Variants in FEZF2 observed in about 807,000 individuals in gnomAD.
The protein encoded by FEZF2 is fez family zinc finger protein 2.
In FEZF2, 2 loss-of-function variants were observed where a neutral mutation model predicts 32.8. The observed-to-expected ratio is 0.06, with a 90% CI of 0.02 to 0.19. The LOEUF (loss-of-function observed/expected upper bound fraction) is 0.19, where lower values mean the gene tolerates loss of function less well. Among genes scored for constraint, FEZF2 ranks in the 10% least tolerant of loss-of-function variants. The pLI, the probability that FEZF2 is intolerant of heterozygous loss-of-function variation, is 1.00. For synonymous variants in FEZF2, 322 were observed against 284.8 expected (o/e 1.13, Z -1.32); for missense variants, 516 against 625.4 (o/e 0.83, Z 1.87).
chr3:62,372,914 C>T lies in FEZF2; in HGVS notation c.-46G>A. 1 of 1,354,706 alleles carries T rather than the reference C, an allele frequency of 7.4e-7. No homozygotes were observed. Among genetic ancestry groups the T allele is most frequent in the South Asian group, 1.7e-5 (1 of 57,426 alleles). The allele number at this position is 1,354,706 out of a possible 1,614,324, so 83.9% of individuals were successfully genotyped here. A position where few individuals can be genotyped will look rare whatever the true frequency, so the allele number is the denominator to read the frequency against. Reference sequence around the variant, plus strand: ...GCCAGGCTGGGCCAGGGCGCAGCCTCTCTCCTCTAAGTCTGCATTCCGGAA... The same window carrying T: ...GCCAGGCTGGGCCAGGGCGCAGCCTTTCTCCTCTAAGTCTGCATTCCGGAA... On this transcript the variant is annotated 5_prime_UTR_variant, in exon 2 of 5. Transcript: ENST00000283268. This position sits in a 1 kb window ranked among gnomAD's most constrained non-coding sequence, Gnocchi z 9.6.
In FEZF2 at chr3:62,370,913, G is replaced by A. The variant is rs1184802935; in HGVS notation, c.1120+304C>T. Among the ~76,000 whole-genome samples the A allele has an allele frequency of 1.3e-5, 2 of 152,102 alleles. No homozygotes were observed. The highest frequency in any genetic ancestry group is 1.3e-4 in the Admixed American group (2 of 15,288). On this transcript the variant is annotated intron_variant, in intron 4 of 4. Coordinates refer to ENST00000283268, the MANE Select transcript of FEZF2 (RefSeq NM_018008.4). The surrounding 1 kb of genome is among the most constrained non-coding windows in gnomAD (Gnocchi z 4.2). ...GAAAGGGAAGTTCCGGATACAAAAG[G>A]AACCTTTTTCTATAGGGCAATACCC...
Position 62,373,144 on chromosome 3 carries a change from G to T in FEZF2, c.-59+135C>A, listed in dbSNP as rs571133755. ...GGGGAGGGTTTACAAAAGAAAAGGG[G>T]GGGGGCGGTGAGAAAAGAGTCTCAA... is the stretch of plus-strand genomic sequence containing the variant. On this transcript the variant is annotated intron_variant, in intron 1 of 4. Coordinates refer to ENST00000283268, the MANE Select transcript of FEZF2 (RefSeq NM_018008.4). This position sits in a 1 kb window ranked among gnomAD's most constrained non-coding sequence, Gnocchi z 5.5. The T allele has an allele frequency of 5.7e-6, 2 of 350,698 alleles. No homozygotes were observed. Among genetic ancestry groups the T allele is most frequent in the Non-Finnish European group, 1.0e-5 (2 of 196,122 alleles). 21.7% of individuals were successfully genotyped at this position (350,698 alleles called of 1,614,324 possible). A position where few individuals can be genotyped will look rare whatever the true frequency, so the allele number is the denominator to read the frequency against.
chr3:62,372,785 C>T lies in FEZF2; in HGVS notation c.84G>A (p.Leu28=). The T allele has an allele frequency of 6.3e-7, 1 of 1,596,080 alleles. No homozygotes were observed. Among genetic ancestry groups the T allele is most frequent in the Non-Finnish European group, 8.5e-7 (1 of 1,170,980 alleles). The change falls in exon 2 of 5, where the codon CTG becomes CTA. Residue 28 remains leucine, a synonymous_variant. Transcript: ENST00000283268. This position sits in a 1 kb window ranked among gnomAD's most constrained non-coding sequence, Gnocchi z 9.6. ...AGASPATSKT[L]AFSIERIMAK... is the part of the protein sequence containing the mutation. ...CCATGATGCGCTCGATGGAAAAGGC[C>T]AGTGTCTTGGAAGTGGCCGGCGACG...
In FEZF2 at chr3:62,371,089, A is replaced by G. The variant is rs1445638145; in HGVS notation, c.1120+128T>C. ...TACACCAGGCACAACCCGATTCTAA[A>G]GAAATGCTGCGCCCGCGCCTGCAGA... On this transcript the variant is annotated intron_variant, in intron 4 of 4. Coordinates refer to ENST00000283268, the MANE Select transcript of FEZF2 (RefSeq NM_018008.4). 2.8e-6 allele frequency: 4 copies of G among 1,415,112 alleles called. No individual in the cohort carries two copies. In the Admixed American group the frequency reaches 5.2e-5, roughly 19 times the overall value. The allele number at this position is 1,415,112 out of a possible 1,614,324, so 87.7% of individuals were successfully genotyped here.
intron 4 of FEZF2, 121 bp downstream of exon 4, chr3:62,371,096 C>A: frequency 1.4e-6 from 2 of 1,453,216 alleles, no homozygotes; most frequent in South Asian, 2.4e-5. Flanking sequence ...TAAAGAAATG[C>A]TGCGCCCGCG....
At chr3:62,371,182 G>A in intron 4 of FEZF2, 35 bp downstream of exon 4, 1 of 1,614,050 alleles carries the variant, frequency 6.2e-7, no homozygotes, top group Non-Finnish European at 8.5e-7. Context: ...GTCCTGAGGT[G>A]AGGTGAGAAG....
intron 3 of FEZF2, 58 bp from the exon 4 acceptor site, chr3:62,371,407 G>A: frequency 1.3e-6 from 2 of 1,591,552 alleles, no homozygotes; most frequent in East Asian, 2.2e-5. Context: ...ACCTGGAAGG[G>A]ACATCCCCCC....
chr3:62,370,370 G>A lies in FEZF2; in HGVS notation c.1121-28C>T, dbSNP rs1200484022. 6.2e-7 allele frequency: 1 copy of A among 1,610,948 alleles called. No individual in the cohort carries two copies. The highest frequency in any genetic ancestry group is 1.7e-4 in the Middle Eastern group (1 of 5,728). On this transcript the variant is annotated intron_variant, in intron 4 of 4. Transcript: ENST00000283268. This position sits in a 1 kb window ranked among gnomAD's most constrained non-coding sequence, Gnocchi z 4.2. ...ACAACAGATCAAGAACAAAAAACGT[G>A]GGGGTATGGAGTAGAATGGTGGGGA... is the stretch of plus-strand genomic sequence containing the variant.
intron 2 of FEZF2, among the ~76,000 whole-genome samples, 157 bp from the exon 3 acceptor site, chr3:62,371,824 A>C (rs577061256): frequency 3.2e-4 from 48 of 152,244 alleles, no homozygotes; most frequent in South Asian, 2.1e-4. Flanking sequence ...GCTTACACCA[A>C]TACTGTGTGG....
chr3:62,372,700 C>T lies in FEZF2; in HGVS notation c.169G>A (p.Gly57Ser). ...EPRPGALEAD[G>S]SQGKKLLNLC... ...TTGAGCAGTTTCTTGCCCTGGCTGCCGTCCGCCTCTAGCGCTCCAGGCCGG... is the reference window on the plus strand; with the variant it reads ...TTGAGCAGTTTCTTGCCCTGGCTGCTGTCCGCCTCTAGCGCTCCAGGCCGG... Residue 57 changes from glycine (G) to serine (S), a missense_variant, in exon 2 of 5, where the codon GGC becomes AGC. Around this residue, in one of 3 missense-constraint regions of FEZF2, gnomAD observed 408 missense variants for 382.2 expected, o/e 1.07. Coordinates refer to ENST00000283268, the MANE Select transcript of FEZF2 (RefSeq NM_018008.4). The surrounding 1 kb of genome is among the most constrained non-coding windows in gnomAD (Gnocchi z 9.6). 1 of 1,608,492 alleles carries T rather than the reference C, an allele frequency of 6.2e-7. No homozygotes were observed. Among genetic ancestry groups the T allele is most frequent in the African/African-American group, 1.3e-5 (1 of 74,666 alleles).
Position 62,371,529 on chromosome 3 carries a change from G to A in FEZF2, c.987+4C>T. On this transcript the variant is annotated splice_donor_region_variant and intron_variant, in intron 3 of 4. Transcript: ENST00000283268. ...GGGCTAGGCCCGACCCGGGGGCCAC[G>A]TACCTGGGTGTGGATAATTTTGTGC... is the stretch of plus-strand genomic sequence containing the variant. 1.2e-6 allele frequency: 2 copies of A among 1,609,934 alleles called. No homozygotes were observed. Among genetic ancestry groups the A allele is most frequent in the African/African-American group, 1.3e-5 (1 of 74,968 alleles).
chr3:62,372,521 C>T lies in FEZF2; in HGVS notation c.348G>A (p.Gly116=). The part of the protein sequence containing the change: ...GGGGGGGGGG[G]GAPVCGASGL... ...CGCTGGCGCCGCACACTGGGGCCCC[C>T]CCGCCGCCGCCGCCGCCACCGCCGC... The change falls in exon 2 of 5, where the codon GGG becomes GGA. Residue 116 remains glycine (G), a synonymous_variant. Coordinates refer to ENST00000283268, the MANE Select transcript of FEZF2 (RefSeq NM_018008.4). The surrounding 1 kb of genome is among the most constrained non-coding windows in gnomAD (Gnocchi z 9.6). The T allele has an allele frequency of 7.7e-7, 1 of 1,294,782 alleles. No homozygotes were observed. 80.2% of individuals were successfully genotyped at this position (1,294,782 alleles called of 1,614,324 possible). A position where few individuals can be genotyped will look rare whatever the true frequency, so the allele number is the denominator to read the frequency against.
Position 62,371,284 on chromosome 3 carries a change from A to G in FEZF2, c.1053T>C (p.His351=). ...GCTTGTAGCCCGCGTGGATGCGGAT[A>G]TGCGTGTTGAGCGTGGAGCTGCGGT... is the stretch of plus-strand genomic sequence containing the variant. ...AFNRSSTLNT[H]IRIHAGYKPF... The change falls in exon 4 of 5, where the codon CAT becomes CAC. Residue 351 remains histidine, a synonymous_variant. Coordinates refer to ENST00000283268, the MANE Select transcript of FEZF2 (RefSeq NM_018008.4). 6.2e-7 allele frequency: 1 copy of G among 1,614,174 alleles called. No homozygotes were observed.
In FEZF2 at chr3:62,373,255, A is replaced by G. The variant is rs917888926; in HGVS notation, c.-59+24T>C. 41 of 203,392 alleles carry G rather than the reference A, an allele frequency of 2.0e-4. No homozygotes were observed. The highest frequency in any genetic ancestry group is 1.5e-3 in the East Asian group (14 of 9,184). The allele number at this position is 203,392 out of a possible 1,614,324, so 12.6% of individuals were successfully genotyped here. A position where few individuals can be genotyped will look rare whatever the true frequency, so the allele number is the denominator to read the frequency against. On this transcript the variant is annotated intron_variant, in intron 1 of 4. Transcript: ENST00000283268. This position sits in a 1 kb window ranked among gnomAD's most constrained non-coding sequence, Gnocchi z 5.5. ...CAGTGAAGGGGCAAAGTTAAAGAGG[A>G]CCGGAGAGCCACCTCGCATTTACCT...
chr3:62,371,200 C>G lies in FEZF2; in HGVS notation c.1120+17G>C. 6.2e-7 allele frequency: 1 copy of G among 1,614,204 alleles called. No homozygotes were observed. Among genetic ancestry groups the G allele is most frequent in the Non-Finnish European group, 8.5e-7 (1 of 1,180,012 alleles). On this transcript the variant is annotated intron_variant, in intron 4 of 4. Coordinates refer to ENST00000283268, the MANE Select transcript of FEZF2 (RefSeq NM_018008.4). ...CTGAGGTGAGGTGAGAAGAGAAGGC[C>G]TCGCCTGGCACGTTACCTTTTTGGT...
At position 62,372,525 on chromosome 3, in the gene FEZF2, C is replaced by T. The variant is rs1329521213; in HGVS notation, c.344G>A (p.Gly115Asp). The T allele has an allele frequency of 7.7e-7, 1 of 1,293,016 alleles. No homozygotes were observed. Among genetic ancestry groups the T allele is most frequent in the Non-Finnish European group, 9.8e-7 (1 of 1,021,156 alleles). The allele number at this position is 1,293,016 out of a possible 1,614,324, so 80.1% of individuals were successfully genotyped here. ...GGGGGGGGGG[G>D]GGAPVCGASG... ...GGCGCCGCACACTGGGGCCCCCCCG[C>T]CGCCGCCGCCGCCACCGCCGCCGCC... The change falls in exon 2 of 5, where the codon GGC becomes GAC. Residue 115 changes from glycine (G) to aspartate (D), a missense_variant. Coordinates refer to ENST00000283268, the MANE Select transcript of FEZF2 (RefSeq NM_018008.4). The surrounding 1 kb of genome is among the most constrained non-coding windows in gnomAD (Gnocchi z 9.6).
Position 62,370,450 on chromosome 3 carries a change from C to G in FEZF2, c.1121-108G>C. ...AGGTGCCTGCTCAAAAAAGGCGACG[C>G]TTGGCTAGGCGGGCGCGACCTCTTC... is the stretch of plus-strand genomic sequence containing the variant. On this transcript the variant is annotated intron_variant, in intron 4 of 4. Coordinates refer to ENST00000283268, the MANE Select transcript of FEZF2 (RefSeq NM_018008.4). The surrounding 1 kb of genome is among the most constrained non-coding windows in gnomAD (Gnocchi z 4.2). The G allele has an allele frequency of 8.3e-7, 1 of 1,206,176 alleles. No individual in the cohort carries two copies. The highest frequency in any genetic ancestry group is 1.2e-6 in the Non-Finnish European group (1 of 852,908). The allele number at this position is 1,206,176 out of a possible 1,614,324, so 74.7% of individuals were successfully genotyped here.
rs939746113 is a variant in FEZF2, at chr3:62,373,031, A to G, written c.-58-105T>C. 3 of 571,844 alleles carry G rather than the reference A, an allele frequency of 5.2e-6. No individual in the cohort carries two copies. Among genetic ancestry groups the G allele is most frequent in the Non-Finnish European group, 7.8e-6 (3 of 386,400 alleles). The allele number at this position is 571,844 out of a possible 1,614,324, so 35.4% of individuals were successfully genotyped here. A position where few individuals can be genotyped will look rare whatever the true frequency, so the allele number is the denominator to read the frequency against. On this transcript the variant is annotated intron_variant, in intron 1 of 4. Transcript: ENST00000283268. The surrounding 1 kb of genome is among the most constrained non-coding windows in gnomAD (Gnocchi z 5.5). ...AATGAACAGGGGCAAAACAAAGTGC[A>G]CCCAAGGGTACCAAATTACCGCCCA...
rs901769823 is a variant in FEZF2, at chr3:62,371,172, G to A, written c.1120+45C>T. 1.9e-6 allele frequency: 3 copies of A among 1,613,758 alleles called. No individual in the cohort carries two copies. The African/African-American group carries it at 4.0e-5, about 22-fold the overall frequency. ...TTCCTGCCAGCCAGCCGCGACCCGA[G>A]TCCTGAGGTGAGGTGAGAAGAGAAG... On this transcript the variant is annotated intron_variant, in intron 4 of 4. Transcript: ENST00000283268.
Sources: gnomAD v4.1 joint callset for allele counts (sites outside exome capture counted in the v4.1 genomes callset) on GRCh38, gnomAD v4.1.1 for gene constraint, gnomAD v4.1.1 regional missense constraint, Gnocchi (gnomAD v3.1) non-coding constraint, MANE v1.5 for transcripts, NCBI Gene and HGNC (gene_info 2026-07-23, HGNC 2026-07-21) for gene names.